The following LIG3 variants were observed in gnomAD, a reference collection of about 807,000 sequenced individuals.
The protein encoded by LIG3 is ligase II, DNA, ATP-dependent.
In LIG3, 58 loss-of-function variants were observed where a neutral mutation model predicts 110.9. That is an observed-to-expected ratio of 0.52 (90% confidence interval 0.42 to 0.65). The LOEUF is 0.65. Among genes scored for constraint, LIG3 ranks in the 30% least tolerant of loss-of-function variants. The pLI, the probability that LIG3 is intolerant of heterozygous loss-of-function variation, is 0.00. For missense variants in LIG3, 1,094 were observed against 1,273.8 expected, an observed-to-expected ratio of 0.86 and a Z score of 2.15; for synonymous variants, 422 against 472.8, an observed-to-expected ratio of 0.89 and a Z score of 1.39.
At chr17:35,001,468 T>A in intron 17 of LIG3, 65 bp downstream of exon 17, 1 of 1,491,296 alleles carries the variant, frequency 6.7e-7, no homozygotes, top group Non-Finnish European at 9.3e-7. Context: ...GCCTTGGGCA[T>A]CTAGACCATT....
rs779458646 is a variant in LIG3 at position 35,002,650 on chromosome 17, T to A, written c.2675-18T>A. Reference sequence around the variant, plus strand: ...ATAGGTGTGCACCACCACACCCAGCTTCCTCTCTGTCCTGCAGGCAACATG... The same window carrying A: ...ATAGGTGTGCACCACCACACCCAGCATCCTCTCTGTCCTGCAGGCAACATG... On this transcript the variant is annotated intron_variant, in intron 18 of 19. Transcript: ENST00000378526. 28 of 1,609,754 alleles carry A rather than the reference T, an allele frequency of 1.7e-5. No homozygotes were observed. Among genetic ancestry groups the A allele is most frequent in the Non-Finnish European group, 2.1e-5 (25 of 1,178,440 alleles).
In LIG3 at chr17:35,004,660, A is replaced by G; in HGVS notation, c.*154A>G. On this transcript the variant is annotated 3_prime_UTR_variant, in exon 20 of 20. Transcript: ENST00000378526. Reference sequence around the variant, plus strand: ...CACTGTCTCTTCTGGACCAGGAATTAGTTGCTGTGGGTGCCACAGCTGAAG... The same window carrying G: ...CACTGTCTCTTCTGGACCAGGAATTGGTTGCTGTGGGTGCCACAGCTGAAG... 2 of 621,504 alleles carry G rather than the reference A, an allele frequency of 3.2e-6. No individual in the cohort carries two copies. The highest frequency in any genetic ancestry group is 5.7e-6 in the Non-Finnish European group (2 of 353,786). 38.5% of individuals were successfully genotyped at this position (621,504 alleles called of 1,614,324 possible).
rs1459359591 is a variant in LIG3, at chr17:35,009,701, T to TA, written c.*5196dup. 6.6e-5 allele frequency: 10 copies of TA among 152,210 alleles called. No homozygotes were observed. Among genetic ancestry groups the TA allele is most frequent in the Admixed American group, 6.5e-4 (10 of 15,284 alleles). 9.4% of individuals were successfully genotyped at this position (152,210 alleles called of 1,614,324 possible). A position where few individuals can be genotyped will look rare whatever the true frequency, so the allele number is the denominator to read the frequency against. On this transcript the variant is annotated 3_prime_UTR_variant, in exon 20 of 20. Transcript: ENST00000378526. ...AGTAAACAACCTCAGTTTTAATTCTTACTGAGGTTACTAACCAGCTATCAG... is the reference window on the plus strand; with the variant it reads ...AGTAAACAACCTCAGTTTTAATTCTTAACTGAGGTTACTAACCAGCTATCAG...
intron 18 of LIG3, among the ~76,000 whole-genome samples, 170 bp from the exon 19 acceptor site, chr17:35,002,498 T>G (rs1397126432): frequency 6.6e-6 from 1 of 152,194 alleles, no homozygotes; most frequent in African/African-American, 2.4e-5. Flanking sequence ...CTTAGTTCTT[T>G]TGTATCATAT....
Position 35,005,390 on chromosome 17 carries a change from A to G in LIG3, c.*884A>G, listed in dbSNP as rs1316705561. On this transcript the variant is annotated 3_prime_UTR_variant, in exon 20 of 20. Coordinates refer to ENST00000378526, the MANE Select transcript of LIG3 (RefSeq NM_013975.4). ...ACCCTGGCTGCACATGCCATCAGCC[A>G]TGACTGTGTATGCTCTGGTGGTGGT... The G allele has an allele frequency of 3.6e-6, 2 of 559,128 alleles. No homozygotes were observed. Among genetic ancestry groups the G allele is most frequent in the Non-Finnish European group, 7.3e-6 (2 of 275,730 alleles). 34.6% of individuals were successfully genotyped at this position (559,128 alleles called of 1,614,324 possible).
At chr17:34,982,963 CTT>C (rs3084117) in intron 1 of LIG3, 37 bp from the exon 2 acceptor site, 122,376 of 1,197,340 alleles carry the variant, frequency 0.1, 5 homozygotes, top group Non-Finnish European at 0.11. Flanking sequence ...TTGTTTATAT[CTT>C]TTTTTTTTTT....
Position 34,983,379 on chromosome 17 carries a change from A to T in LIG3, c.374A>T (p.Asn125Ile). ...TGCCGAATTGGCAAAGTGGTGCCCA[A>T]TCCCTTCTCAGAGTCTGGGGGTGAT... ...GVCRIGKVVPNPFSESGGDMK... is the reference protein window; with the variant it reads ...GVCRIGKVVPIPFSESGGDMK... The change falls in exon 2 of 20, where the codon AAT becomes ATT. Residue 125 changes from asparagine to isoleucine, a missense_variant. Physicochemically the swap from Asn to Ile is moderately radical, Grantham distance 149. Transcript: ENST00000378526. 6.2e-7 allele frequency: 1 copy of T among 1,614,224 alleles called. No individual in the cohort carries two copies. Among genetic ancestry groups the T allele is most frequent in the Non-Finnish European group, 8.5e-7 (1 of 1,180,040 alleles).
chr17:34,985,999 A>G lies in LIG3; in HGVS notation c.559A>G (p.Lys187Glu). 1 of 1,613,962 alleles carries G rather than the reference A, an allele frequency of 6.2e-7. No individual in the cohort carries two copies. Among genetic ancestry groups the G allele is most frequent in the Non-Finnish European group, 8.5e-7 (1 of 1,179,912 alleles). ...TTGGGATCCTACAGATCTGTCTTCT[A>G]AGGCAGCAGGTACACCAAAGAAGAA... is the stretch of plus-strand genomic sequence containing the variant. ...ITQHIADLSS[K>E]AAGTPKKKAV... Residue 187 changes from lysine (K) to glutamate (E), a missense_variant, in exon 3 of 20, where the codon AAG becomes GAG. By Grantham distance (56) the Lys-to-Glu change is moderately conservative. Coordinates refer to ENST00000378526, the MANE Select transcript of LIG3 (RefSeq NM_013975.4).
Position 34,992,025 on chromosome 17 carries a change from G to A in LIG3, c.1276G>A (p.Ala426Thr), listed in dbSNP as rs765351839. 1.9e-6 allele frequency: 3 copies of A among 1,614,108 alleles called. No homozygotes were observed. The highest frequency in any genetic ancestry group is 2.5e-6 in the Non-Finnish European group (3 of 1,179,934). Residue 426 changes from alanine (A) to threonine (T), a missense_variant, in exon 7 of 20, where the codon GCA becomes ACA. By Grantham distance (58) the Ala-to-Thr change is moderately conservative. Coordinates refer to ENST00000378526, the MANE Select transcript of LIG3 (RefSeq NM_013975.4). Reference sequence around the variant, plus strand: ...ACATGATCTGAAGATGAACTCAGGTGCAAAACATGTGTAAGTAGCAGCTCC... The same window carrying A: ...ACATGATCTGAAGATGAACTCAGGTACAAAACATGTGTAAGTAGCAGCTCC... ...IKHDLKMNSG[A>T]KHVLDALDPN... is the part of the protein sequence containing the mutation.
rs2090915016 is a variant in LIG3, at chr17:35,008,754, C to T, written c.*4248C>T. On this transcript the variant is annotated 3_prime_UTR_variant, in exon 20 of 20. Coordinates refer to ENST00000378526, the MANE Select transcript of LIG3 (RefSeq NM_013975.4). ...TCACACCATTCTCCTGCCTCAGCCT[C>T]CCGAGTAGCTGGGACTACAGGCACC... The T allele has an allele frequency of 1.3e-5, 2 of 152,300 alleles. No homozygotes were observed. Among genetic ancestry groups the T allele is most frequent in the South Asian group, 4.1e-4 (2 of 4,822 alleles). The allele number at this position is 152,300 out of a possible 1,614,324, so 9.4% of individuals were successfully genotyped here. A position where few individuals can be genotyped will look rare whatever the true frequency, so the allele number is the denominator to read the frequency against.
chr17:34,983,105 C>G lies in LIG3; in HGVS notation c.100C>G (p.Gln34Glu). ...AAAACATCACTGGCGTGATGTAAGA[C>G]AATTCAGCCAGTGGTCAGAAACAGA... ...FRKHHWRDVRQFSQWSETDLL... is the reference protein window; with the variant it reads ...FRKHHWRDVREFSQWSETDLL... Residue 34 changes from glutamine to glutamate, a missense_variant, in exon 2 of 20, where the codon CAA (glutamine) becomes GAA (glutamate). By Grantham distance (29) the Gln-to-Glu change is conservative. Coordinates refer to ENST00000378526, the MANE Select transcript of LIG3 (RefSeq NM_013975.4). The G allele has an allele frequency of 6.2e-7, 1 of 1,614,010 alleles. No homozygotes were observed. The highest frequency in any genetic ancestry group is 8.5e-7 in the Non-Finnish European group (1 of 1,179,980).
rs1035926639 is a variant in LIG3, at chr17:35,007,434, G to A, written c.*2928G>A. Reference sequence around the variant, plus strand: ...TCATAAATCTCTCCAGCAGAATGCTGGAGGCCTCCCTCTTCTGAACCTCTA... The same window carrying A: ...TCATAAATCTCTCCAGCAGAATGCTAGAGGCCTCCCTCTTCTGAACCTCTA... On this transcript the variant is annotated 3_prime_UTR_variant, in exon 20 of 20. Coordinates refer to ENST00000378526, the MANE Select transcript of LIG3 (RefSeq NM_013975.4). 3 of 152,174 alleles carry A rather than the reference G, an allele frequency of 2.0e-5. No homozygotes were observed. Among genetic ancestry groups the A allele is most frequent in the Admixed American group, 2.0e-4 (3 of 15,278 alleles). The allele number at this position is 152,174 out of a possible 1,614,324, so 9.4% of individuals were successfully genotyped here. A position where few individuals can be genotyped will look rare whatever the true frequency, so the allele number is the denominator to read the frequency against.
At chr17:34,982,042 CAACT>C (rs1376007688) in intron 1 of LIG3, among the ~76,000 whole-genome samples, 2 of 152,126 alleles carry the variant, frequency 1.3e-5, no homozygotes, top group Non-Finnish European at 2.9e-5. Flanking sequence ...GCTGTGTGCC[CAACT>C]GTTTTAAGGG....
chr17:34,992,085 T>G, intron 7 of LIG3, 50 bp downstream of exon 7: 1 of 1,548,030 alleles, frequency 6.5e-7, no homozygotes, highest in South Asian at 1.1e-5. Flanking sequence ...TTAGCTTTGT[T>G]TGTTCCCAAC....
At chr17:34,995,938 C>A in intron 9 of LIG3, 126 bp from the exon 10 acceptor site, 1 of 1,198,998 alleles carries the variant, frequency 8.3e-7, no homozygotes, top group Non-Finnish European at 1.2e-6. Flanking sequence ...ATATGTTTTG[C>A]ACATTAGCTG....
intron 9 of LIG3, 81 bp from the exon 10 acceptor site, chr17:34,995,983 C>T: frequency 1.3e-6 from 2 of 1,532,686 alleles, no homozygotes; most frequent in Non-Finnish European, 1.8e-6. Context: ...CCTGTCTGGG[C>T]CCGGGCTTTG....
At chr17:34,980,785 C>A (rs1413550795) in intron 1 of LIG3, 163 bp downstream of exon 1, 1 of 238,528 alleles carries the variant, frequency 4.2e-6, no homozygotes, top group Non-Finnish European at 6.8e-6. Context: ...GGCGGCCCTC[C>A]CGGGAGCCCA....
At chr17:34,998,345 T>C in intron 13 of LIG3, 49 bp downstream of exon 13, 1 of 1,515,588 alleles carries the variant, frequency 6.6e-7, no homozygotes, top group Non-Finnish European at 9.1e-7. Context: ...CGCAGCCCTC[T>C]CCCCTGAGCC....
rs531725361 is a variant in LIG3, at chr17:34,980,636, C to G, written c.-5+14C>G. On this transcript the variant is annotated intron_variant, in intron 1 of 19. Transcript: ENST00000378526. ...CCGGAGAGGCAGGTGAGGGGCTACG[C>G]GGCGCGGCACGGCGCGGCGGGGCCC... 4.8e-6 allele frequency: 6 copies of G among 1,240,110 alleles called. No homozygotes were observed. In the South Asian group the frequency reaches 7.9e-5, roughly 16 times the overall value. 76.8% of individuals were successfully genotyped at this position (1,240,110 alleles called of 1,614,324 possible). A position where few individuals can be genotyped will look rare whatever the true frequency, so the allele number is the denominator to read the frequency against.
Sources: allele counts gnomAD v4.1 joint callset (sites outside exome capture counted in the v4.1 genomes callset), GRCh38; gene constraint gnomAD v4.1.1; transcripts MANE v1.5; gene names NCBI Gene and HGNC (gene_info 2026-07-23, HGNC 2026-07-21).